MGAT4C: variants seen among roughly 807,000 people sequenced by gnomAD.
MGAT4C encodes MGAT4 family member C.
MGAT4C carries 19 observed loss-of-function variants against 40.1 expected under a neutral mutation model. That is an observed-to-expected ratio of 0.47 (90% confidence interval 0.33 to 0.70). The LOEUF (loss-of-function observed/expected upper bound fraction) is 0.70. Ranked by LOEUF, MGAT4C falls within the 30% of genes least tolerant of loss-of-function variation. MGAT4C has a pLI of 0.02. For synonymous variants in MGAT4C, 181 were observed against 187.1 expected (o/e 0.97, Z 0.27); for missense variants, 491 against 563.2 (o/e 0.87, Z 1.30).
chr12:86,112,425 A>G lies in MGAT4C; in HGVS notation c.-56-62702T>C, dbSNP rs116779632. On this transcript the variant is annotated intron_variant, in intron 1 of 4. Coordinates refer to ENST00000611864, the MANE Select transcript of MGAT4C (RefSeq NM_001351288.2). ...TGGAAAATGCCATGAGTATCTTGGG[A>G]AATACCAATAGTGGCAGACAGCATT... is the stretch of plus-strand genomic sequence containing the variant. Among the ~76,000 whole-genome samples the G allele has an allele frequency of 2.9e-3, 436 of 151,764 alleles. 2 individuals are homozygous for G. The highest frequency in any genetic ancestry group is 9.7e-3 in the African/African-American group (403 of 41,456).
intron 1 of MGAT4C, among the ~76,000 whole-genome samples, chr12:86,746,517 C>T (rs949149925): frequency 2.0e-5 from 3 of 151,658 alleles, no homozygotes; most frequent in Non-Finnish European, 3.0e-5. Flanking sequence ...CATACAAAAA[C>T]ATCTCCAGAG....
intron 2 of MGAT4C, among the ~76,000 whole-genome samples, chr12:86,018,747 T>C (rs1008661045): frequency 1.3e-5 from 2 of 152,108 alleles, no homozygotes; most frequent in African/African-American, 4.8e-5. Context: ...ATAGAAAATA[T>C]ATTACATATA....
chr12:86,285,241 A>G (rs932518983), intron 4 of MGAT4C, among the ~76,000 whole-genome samples: 3 of 151,984 alleles, frequency 2.0e-5, no homozygotes, highest in Non-Finnish European at 4.4e-5. Flanking sequence ...TGTTGATTCA[A>G]TGAGAGTCAG....
chr12:86,264,239 T>A (rs2136099577), intron 4 of MGAT4C, among the ~76,000 whole-genome samples: 1 of 152,360 alleles, frequency 6.6e-6, no homozygotes, highest in Middle Eastern at 3.4e-3. Flanking sequence ...TAGTCATAAA[T>A]TATTTGCCTA....
At chr12:86,441,925 C>T (rs1254095556) in intron 2 of MGAT4C, among the ~76,000 whole-genome samples, 1 of 152,200 alleles carries the variant, frequency 6.6e-6, no homozygotes, top group African/African-American at 2.4e-5. Context: ...GCCACACTGT[C>T]TTCCACAATG....
intron 2 of MGAT4C, among the ~76,000 whole-genome samples, chr12:86,515,481 A>G (rs1958666872): frequency 6.6e-6 from 1 of 152,214 alleles, no homozygotes; most frequent in Admixed American, 6.5e-5. Flanking sequence ...ATTTTTATAC[A>G]CTAGCAAAGA....
intron 2 of MGAT4C, among the ~76,000 whole-genome samples, chr12:86,436,084 C>T (rs1957131684): frequency 6.6e-6 from 1 of 151,786 alleles, no homozygotes; most frequent in African/African-American, 2.4e-5. Context: ...ATAATCTTTG[C>T]CTTGCTTCCC....
intron 1 of MGAT4C, among the ~76,000 whole-genome samples, chr12:86,107,014 T>G (rs1384260721): frequency 6.6e-6 from 1 of 152,120 alleles, no homozygotes; most frequent in African/African-American, 2.4e-5. Context: ...TTGTGTTAGG[T>G]CTACTAAGCC....
chr12:86,160,516 G>A (rs1028315895), intron 1 of MGAT4C, among the ~76,000 whole-genome samples: 3 of 152,034 alleles, frequency 2.0e-5, no homozygotes, highest in Non-Finnish European at 2.9e-5. Context: ...CTTAGAATAT[G>A]TTCTGTGTGC....
intron 2 of MGAT4C, among the ~76,000 whole-genome samples, chr12:86,713,292 G>C (rs890859600): frequency 3.3e-5 from 5 of 151,992 alleles, no homozygotes; most frequent in African/African-American, 1.2e-4. Context: ...GAGTACTGTT[G>C]ATTTTGATGA....
At chr12:86,570,631 G>A (rs1960323736) in intron 2 of MGAT4C, among the ~76,000 whole-genome samples, 2 of 152,070 alleles carry the variant, frequency 1.3e-5, no homozygotes, top group African/African-American at 4.8e-5. Context: ...AGACACCTAT[G>A]TTGGTGAATT....
chr12:86,699,255 C>A (rs1481962212), intron 2 of MGAT4C, among the ~76,000 whole-genome samples: 2 of 152,060 alleles, frequency 1.3e-5, no homozygotes, highest in Non-Finnish European at 2.9e-5. Flanking sequence ...ATTTTACTAT[C>A]CAATTATGAT....
chr12:86,627,282 T>C (rs139854884), intron 2 of MGAT4C, among the ~76,000 whole-genome samples: 5,702 of 152,222 alleles, frequency 0.037, 138 homozygotes, highest in Non-Finnish European at 0.049. Context: ...AGACTCCACC[T>C]CTGGGGGCAG....
chr12:86,258,466 C>T (rs1386453593), upstream of MGAT4C, among the ~76,000 whole-genome samples: 1 of 151,996 alleles, frequency 6.6e-6, no homozygotes, highest in African/African-American at 2.4e-5. Context: ...TAGAGAAATA[C>T]AGCAATATAA....
chr12:86,813,695 T>G (rs1366746635), intron 1 of MGAT4C, among the ~76,000 whole-genome samples: 1 of 152,086 alleles, frequency 6.6e-6, no homozygotes, highest in Non-Finnish European at 1.5e-5. Flanking sequence ...TTTTATAAAA[T>G]CACCTTGTTC....
At chr12:86,147,493 G>A (rs1293142696) in intron 1 of MGAT4C, among the ~76,000 whole-genome samples, 3 of 152,038 alleles carry the variant, frequency 2.0e-5, no homozygotes, top group East Asian at 1.9e-4. Context: ...CACCCGCCTC[G>A]GCCTCCCAAA....
chr12:86,403,115 T>C (rs1956402038), intron 3 of MGAT4C, among the ~76,000 whole-genome samples: 1 of 152,256 alleles, frequency 6.6e-6, no homozygotes, highest in African/African-American at 2.4e-5. Context: ...ATTTCTGCTA[T>C]ATCACTACTG....
intron 3 of MGAT4C, among the ~76,000 whole-genome samples, chr12:86,417,686 T>C (rs1436326232): frequency 6.6e-6 from 1 of 152,124 alleles, no homozygotes; most frequent in Non-Finnish European, 1.5e-5. Context: ...GATATATTTA[T>C]AGGCAGTATT....
intron 2 of MGAT4C, among the ~76,000 whole-genome samples, chr12:86,635,658 TGTG>T (rs1348005308): frequency 6.1e-5 from 6 of 97,610 alleles, no homozygotes; most frequent in Admixed American, 5.4e-4. Context: ...CTATATACAT[TGTG>T]TGTGTGTGTG....
Sources: allele counts gnomAD v4.1 joint callset (sites outside exome capture counted in the v4.1 genomes callset), GRCh38; gene constraint gnomAD v4.1.1; transcripts MANE v1.5; gene names NCBI Gene and HGNC (gene_info 2026-07-23, HGNC 2026-07-21).